ZNF84: variants seen among roughly 807,000 people sequenced by gnomAD.
ZNF84 encodes zinc finger protein 84, also known as zinc finger protein HPF2.
Under a neutral mutation model 14.8 loss-of-function variants are expected in ZNF84, and 12 were observed. The observed-to-expected ratio is 0.81, with a 90% CI of 0.52 to 1.31. The LOEUF is 1.31. Ranked by LOEUF, ZNF84 falls within the 50% of genes most tolerant of loss-of-function variation. ZNF84 has a pLI of 0.00. For synonymous variants in ZNF84, 347 were observed against 291.1 expected (o/e 1.19, Z -1.96); for missense variants, 859 against 878.6 (o/e 0.98, Z 0.28).
At chr12:133,051,104 G>GT (rs1314079158) in intron 4 of ZNF84, among the ~76,000 whole-genome samples, 2 of 120,846 alleles carry the variant, frequency 1.7e-5, no homozygotes, top group Non-Finnish European at 3.5e-5. Context: ...GTTTTGTTTT[G>GT]TTTTTTGGTT....
At chr12:133,056,414 C>T (rs945381761) in intron 4 of ZNF84, among the ~76,000 whole-genome samples, 4 of 152,026 alleles carry the variant, frequency 2.6e-5, no homozygotes, top group Middle Eastern at 3.4e-3. Context: ...CCACCACACC[C>T]GGCTAATTTT....
At chr12:133,044,139 AC>A (rs1953937112) in intron 2 of ZNF84, among the ~76,000 whole-genome samples, 1 of 149,518 alleles carries the variant, frequency 6.7e-6, no homozygotes, top group African/African-American at 2.5e-5. Context: ...ATCAGCAATA[AC>A]TTTTTTTTTC....
At chr12:133,053,082 A>G (rs2137396268) in intron 4 of ZNF84, among the ~76,000 whole-genome samples, 1 of 152,372 alleles carries the variant, frequency 6.6e-6, no homozygotes, top group South Asian at 2.1e-4. Context: ...TAGAATTTTG[A>G]AAGTTTAATC....
intron 4 of ZNF84, among the ~76,000 whole-genome samples, chr12:133,054,381 C>G (rs1954116450): frequency 6.6e-6 from 1 of 152,046 alleles, no homozygotes; most frequent in Non-Finnish European, 1.5e-5. Flanking sequence ...GACCCTGTCT[C>G]AAAAAATACA....
chr12:133,057,360 C>T lies in ZNF84; in HGVS notation c.645C>T (p.Arg215=), dbSNP rs1954178114. Residue 215 remains arginine, a synonymous_variant, in exon 5 of 5, where the codon CGC becomes CGT. Transcript: ENST00000539354. ...ATGAATGCAGTGAATGTAGGAAGCG[C>T]TTCAGTAAGAAACCAAGTCTCATTA... ...KLYECSECRK[R]FSKKPSLIKH... is the part of the protein sequence containing the mutation. 2 of 1,613,896 alleles carry T rather than the reference C, an allele frequency of 1.2e-6. No homozygotes were observed. Among genetic ancestry groups the T allele is most frequent in the Non-Finnish European group, 8.5e-7 (1 of 1,180,002 alleles).
chr12:133,055,221 C>G (rs1954133406), intron 4 of ZNF84, among the ~76,000 whole-genome samples: 1 of 151,964 alleles, frequency 6.6e-6, no homozygotes, highest in Non-Finnish European at 1.5e-5. Flanking sequence ...AATAATTGTT[C>G]ATGACATACT....
In ZNF84 at chr12:133,060,652, C is replaced by T. The variant is rs898202735; in HGVS notation, c.*1720C>T. The T allele has an allele frequency of 2.6e-5, 4 of 152,214 alleles. No individual in the cohort carries two copies. The highest frequency in any genetic ancestry group is 7.2e-5 in the African/African-American group (3 of 41,466). 9.4% of individuals were successfully genotyped at this position (152,214 alleles called of 1,614,324 possible). A position where few individuals can be genotyped will look rare whatever the true frequency, so the allele number is the denominator to read the frequency against. On this transcript the variant is annotated 3_prime_UTR_variant, in exon 5 of 5. Coordinates refer to ENST00000539354, the MANE Select transcript of ZNF84 (RefSeq NM_001289971.2). ...TGTAATGTTGAGAAACTGTAAGTCA[C>T]ATCCTCTTAAGTCAGGAACTATCTG...
chr12:133,049,502 G>A (rs1231556684), intron 4 of ZNF84, among the ~76,000 whole-genome samples: 1 of 150,046 alleles, frequency 6.7e-6, no homozygotes, highest in African/African-American at 2.5e-5. Flanking sequence ...TTTTTGTTTT[G>A]AGATAGAGTC....
At position 133,060,177 on chromosome 12, in the gene ZNF84, G is replaced by T. The variant is rs971881815; in HGVS notation, c.*1245G>T. 1 of 150,878 alleles carries T rather than the reference G, an allele frequency of 6.6e-6. No homozygotes were observed. The highest frequency in any genetic ancestry group is 2.1e-4 in the South Asian group (1 of 4,828). The allele number at this position is 150,878 out of a possible 1,614,324, so 9.3% of individuals were successfully genotyped here. A position where few individuals can be genotyped will look rare whatever the true frequency, so the allele number is the denominator to read the frequency against. Reference sequence around the variant, plus strand: ...CCAAATGTCACTATTTTAATTTACTGTGATAAAGTATCATGGATATTTTGT... The same window carrying T: ...CCAAATGTCACTATTTTAATTTACTTTGATAAAGTATCATGGATATTTTGT... On this transcript the variant is annotated 3_prime_UTR_variant, in exon 5 of 5. Transcript: ENST00000539354.
chr12:133,054,455 A>G (rs1241746601), intron 4 of ZNF84, among the ~76,000 whole-genome samples: 6 of 152,210 alleles, frequency 3.9e-5, no homozygotes, highest in Non-Finnish European at 7.3e-5. Context: ...AAATAGAGCT[A>G]TGTAACAAAT....
Position 133,058,387 on chromosome 12 carries a change from C to CG in ZNF84, c.1672_1673insG (p.Leu558ArgfsTer15). 1.9e-6 allele frequency: 3 copies of CG among 1,614,030 alleles called. No individual in the cohort carries two copies. Among genetic ancestry groups the CG allele is most frequent in the Non-Finnish European group, 2.5e-6 (3 of 1,180,000 alleles). On this transcript the variant is annotated frameshift_variant, in exon 5 of 5. Transcript: ENST00000539354. LOFTEE classifies it low-confidence loss of function (END_TRUNC). ...GAAGGCCTTTGGTGAGAAGTCAAGT[C>CG]TTGCAACTCATCAGAGAACTCATAC...
intron 4 of ZNF84, among the ~76,000 whole-genome samples, chr12:133,051,879 A>G (rs1482872035): frequency 6.6e-6 from 1 of 152,156 alleles, no homozygotes; most frequent in African/African-American, 2.4e-5. Context: ...TTTGGTCCTG[A>G]TGCTCTTTTC....
At position 133,048,990 on chromosome 12, in the gene ZNF84, G is replaced by A. The variant is rs939470605; in HGVS notation, c.238+142G>A. ...TGACGGGTGGGCTGGTCATTGATGG[G>A]TTGGCTGGTCAGTGATGGGTTGGCA... On this transcript the variant is annotated intron_variant, in intron 4 of 4. Transcript: ENST00000539354. The A allele has an allele frequency of 2.9e-5, 18 of 619,638 alleles. No individual in the cohort carries two copies. The African/African-American group carries it at 3.1e-4, about 11-fold the overall frequency. 38.4% of individuals were successfully genotyped at this position (619,638 alleles called of 1,614,324 possible). A position where few individuals can be genotyped will look rare whatever the true frequency, so the allele number is the denominator to read the frequency against.
Position 133,057,799 on chromosome 12 carries a change from C to G in ZNF84, c.1084C>G (p.Leu362Val). The G allele has an allele frequency of 1.9e-6, 3 of 1,614,002 alleles. No individual in the cohort carries two copies. In the South Asian group the frequency reaches 3.3e-5, roughly 18 times the overall value. ...GAAAGCCTTCAGCAGGAAGTCACAA[C>G]TCGTTACACATCACAGAACTCACAC... is the stretch of plus-strand genomic sequence containing the variant. ...CGKAFSRKSQ[L>V]VTHHRTHTGT... Residue 362 changes from leucine to valine, a missense_variant, in exon 5 of 5, where the codon CTC becomes GTC. Leu to Val is a conservative substitution (Grantham distance 32). Coordinates refer to ENST00000539354, the MANE Select transcript of ZNF84 (RefSeq NM_001289971.2).
chr12:133,045,006 A>T (rs1953954460), intron 2 of ZNF84, among the ~76,000 whole-genome samples: 1 of 152,156 alleles, frequency 6.6e-6, no homozygotes, highest in Non-Finnish European at 1.5e-5. Flanking sequence ...TTGAAGTATG[A>T]CCTCAATAAG....
Position 133,057,577 on chromosome 12 carries a change from G to A in ZNF84, c.862G>A (p.Glu288Lys). 6.2e-7 allele frequency: 1 copy of A among 1,614,180 alleles called. No individual in the cohort carries two copies. Among genetic ancestry groups the A allele is most frequent in the African/African-American group, 1.3e-5 (1 of 75,052 alleles). The change falls in exon 5 of 5, where the codon GAG becomes AAG. Residue 288 changes from glutamate to lysine, a missense_variant. Physicochemically the swap from Glu to Lys is moderately conservative, Grantham distance 56 (BLOSUM62 1). Coordinates refer to ENST00000539354, the MANE Select transcript of ZNF84 (RefSeq NM_001289971.2). The part of the protein sequence containing the change: ...LTSHQRTHTG[E>K]KPYECGECGK... The stretch of plus-strand genomic sequence containing the variant: ...ATCCCATCAGCGGACACATACAGGA[G>A]AGAAACCTTATGAGTGTGGTGAATG...
chr12:133,048,702 C>T (rs74497823), intron 3 of ZNF84, 51 bp from the exon 4 acceptor site: 46,802 of 1,480,824 alleles, frequency 0.032, 848 homozygotes, highest in Non-Finnish European at 0.039. Context: ...TTTAGAGGCC[C>T]TAAACCCCAA....
At chr12:133,050,332 T>G (rs1269983057) in intron 4 of ZNF84, among the ~76,000 whole-genome samples, 2 of 152,216 alleles carry the variant, frequency 1.3e-5, no homozygotes, top group African/African-American at 4.8e-5. Context: ...CTCCCATCTC[T>G]CAGTCCGGAG....
chr12:133,038,827 C>A (rs1953835717), intron 1 of ZNF84: 1 of 151,838 alleles, frequency 6.6e-6, no homozygotes, highest in South Asian at 2.1e-4. Context: ...AATTATGAGT[C>A]GGATTTTATT....
Sources: allele counts gnomAD v4.1 joint callset (sites outside exome capture counted in the v4.1 genomes callset), GRCh38; gene constraint gnomAD v4.1.1; transcripts MANE v1.5; gene names NCBI Gene and HGNC (gene_info 2026-07-23, HGNC 2026-07-21).